Variants in FAS observed in about 807,000 individuals in gnomAD.
FAS encodes Fas cell surface death receptor.
In FAS, 5 loss-of-function variants were observed where a neutral mutation model predicts 33.2. That is an observed-to-expected ratio of 0.15 (90% CI 0.08 to 0.32). FAS has a LOEUF of 0.32. Ranked by LOEUF, FAS falls within the 10% of genes least tolerant of loss-of-function variation. The pLI is 1.00. For missense variants in FAS, 339 were observed against 386.0 expected, an observed-to-expected ratio of 0.88 and a Z score of 1.02; for synonymous variants, 131 against 130.7, an observed-to-expected ratio of 1.00 and a Z score of -0.01.
chr10:88,985,531 T>A (rs1223336395), upstream of FAS, among the ~76,000 whole-genome samples: 1 of 152,112 alleles, frequency 6.6e-6, no homozygotes, highest in South Asian at 2.1e-4. Context: ...CATTCCACAT[T>A]CTCTTTCTAT....
chr10:89,009,803 G>T (rs1848433264), intron 4 of FAS, among the ~76,000 whole-genome samples: 1 of 152,192 alleles, frequency 6.6e-6, no homozygotes, highest in Non-Finnish European at 1.5e-5. Flanking sequence ...TGGGGAAGCA[G>T]CTGACTTAGT....
intron 1 of FAS, among the ~76,000 whole-genome samples, chr10:89,001,553 A>C (rs1022529732): frequency 1.3e-5 from 2 of 150,618 alleles, no homozygotes; most frequent in Non-Finnish European, 2.9e-5. Flanking sequence ...ACTATTCCTG[A>C]GAAAGTGTGG....
intron 1 of FAS, chr10:88,973,108 T>C: frequency 2.1e-6 from 3 of 1,461,254 alleles, no homozygotes; most frequent in Non-Finnish European, 2.7e-6. Flanking sequence ...CTATGTTTTA[T>C]TTTTCTATTT....
At position 89,016,048 on chromosome 10, in the gene FAS, T is replaced by G. The variant is rs938244900; in HGVS notation, c.*1598T>G. Reference sequence around the variant, plus strand: ...GAATGTGGATAAGAAAGTATACATTTCAAGGGGTAGGTTTTATTATTAAGA... The same window carrying G: ...GAATGTGGATAAGAAAGTATACATTGCAAGGGGTAGGTTTTATTATTAAGA... On this transcript the variant is annotated 3_prime_UTR_variant, in exon 9 of 9. Transcript: ENST00000652046. 1 of 234,868 alleles carries G rather than the reference T, an allele frequency of 4.3e-6. No homozygotes were observed. The highest frequency in any genetic ancestry group is 5.3e-5 in the Admixed American group (1 of 18,816). 14.5% of individuals were successfully genotyped at this position (234,868 alleles called of 1,614,324 possible).
upstream of FAS, chr10:88,990,627 G>A (rs1013137560): frequency 1.4e-6 from 1 of 690,670 alleles, no homozygotes; most frequent in Non-Finnish European, 2.6e-6. The surrounding 1 kb of genome is among the most constrained non-coding windows in gnomAD (Gnocchi z 4.9). Flanking sequence ...TGACCACCGG[G>A]GCTTTTCGTG....
At chr10:88,976,231 A>G (rs968253132) in intron 2 of FAS, among the ~76,000 whole-genome samples, 9 of 152,184 alleles carry the variant, frequency 5.9e-5, no homozygotes, top group African/African-American at 2.2e-4. Context: ...AAAATCTCAT[A>G]ATGTTTTAAG....
intron 1 of FAS, chr10:88,991,127 C>T: frequency 1.6e-6 from 1 of 629,130 alleles, no homozygotes; most frequent in South Asian, 1.9e-5. Context: ...ACTTGCTTTT[C>T]TTGGGCCTTG....
chr10:88,981,179 G>A (rs893670688), intron 2 of FAS, among the ~76,000 whole-genome samples: 3 of 152,188 alleles, frequency 2.0e-5, no homozygotes, highest in South Asian at 2.1e-4. Context: ...GTCCTAACTC[G>A]AGCTCTGCCA....
chr10:88,969,777 G>A (rs867107581), intron 1 of FAS, among the ~76,000 whole-genome samples: 23 of 151,896 alleles, frequency 1.5e-4, no homozygotes, highest in African/African-American at 4.8e-4. Context: ...TATTTCATTC[G>A]TATACATCTT....
Position 89,016,532 on chromosome 10 carries a change from A to C in FAS, c.*2082A>C. The C allele has an allele frequency of 4.4e-6, 1 of 226,858 alleles. No homozygotes were observed. The highest frequency in any genetic ancestry group is 8.8e-6 in the Non-Finnish European group (1 of 114,004). The allele number at this position is 226,858 out of a possible 1,614,324, so 14.1% of individuals were successfully genotyped here. ...AGCAAGAACTTTGAGTTCCTTTGGG[A>C]GGAAGACAGTGGAGAAGTCTTTGTA... On this transcript the variant is annotated 3_prime_UTR_variant, in exon 9 of 9. Transcript: ENST00000652046.
intron 2 of FAS, among the ~76,000 whole-genome samples, chr10:89,006,950 TGATA>T (rs1848261802): frequency 6.6e-6 from 1 of 152,212 alleles, no homozygotes; most frequent in Non-Finnish European, 1.5e-5. Flanking sequence ...ATAACAAGCC[TGATA>T]GATAATAAAT....
intron 6 of FAS, among the ~76,000 whole-genome samples, chr10:89,011,671 C>T (rs957671287): frequency 3.3e-5 from 5 of 152,214 alleles, no homozygotes; most frequent in Admixed American, 6.5e-5. Flanking sequence ...GCTTGTCCTA[C>T]GGCTTCTGCA....
chr10:89,000,497 G>T (rs891112437), intron 1 of FAS, among the ~76,000 whole-genome samples: 57 of 152,110 alleles, frequency 3.7e-4, no homozygotes, highest in Non-Finnish European at 1.2e-4. Context: ...GCAAAATGAA[G>T]AAAAATAGTC....
upstream of FAS, chr10:88,989,538 G>A (rs747724138): frequency 1.8e-6 from 1 of 543,512 alleles, no homozygotes; most frequent in Admixed American, 1.9e-5. Context: ...TCTACTGAAA[G>A]GTGGAACAGA....
intron 8 of FAS, among the ~76,000 whole-genome samples, 175 bp from the exon 9 acceptor site, chr10:89,013,944 A>T (rs892265465): frequency 6.6e-6 from 1 of 152,180 alleles, no homozygotes; most frequent in Admixed American, 6.5e-5. Context: ...ATATGGCAGG[A>T]TTTGGAGTTA....
intron 1 of FAS, among the ~76,000 whole-genome samples, chr10:88,995,081 T>C (rs1847506106): frequency 8.7e-6 from 1 of 114,712 alleles, no homozygotes; most frequent in Admixed American, 8.6e-5. Context: ...AGTTTTCTTT[T>C]TGCTATGTAT....
chr10:88,991,462 G>C (rs1847212293), intron 1 of FAS: 1 of 180,714 alleles, frequency 5.5e-6, no homozygotes, highest in African/African-American at 2.4e-5. Flanking sequence ...AGTCAGCACC[G>C]AAGCAGTGGT....
chr10:89,007,262 G>A (rs920210485), intron 2 of FAS, among the ~76,000 whole-genome samples: 1 of 152,190 alleles, frequency 6.6e-6, no homozygotes, highest in Non-Finnish European at 1.5e-5. Context: ...AGGATTTGTG[G>A]ACTTTGGAAA....
intron 2 of FAS, among the ~76,000 whole-genome samples, chr10:89,004,319 A>G (rs2133479093): frequency 6.6e-6 from 1 of 152,124 alleles, no homozygotes; most frequent in South Asian, 2.1e-4. Context: ...TAAGAAATAC[A>G]TTTGGATATA....
Sources: gnomAD v4.1 joint callset for allele counts (sites outside exome capture counted in the v4.1 genomes callset) on GRCh38, gnomAD v4.1.1 for gene constraint, Gnocchi (gnomAD v3.1) non-coding constraint, MANE v1.5 for transcripts, NCBI Gene and HGNC (gene_info 2026-07-23, HGNC 2026-07-21) for gene names.